BST1: variants seen among roughly 807,000 people sequenced by gnomAD.
BST1 encodes bone marrow stromal cell antigen 1, also known as ADP-ribosyl cyclase/cyclic ADP-ribose hydrolase 2.
A neutral mutation model predicts 40.6 loss-of-function variants in BST1; 49 were observed. The observed-to-expected ratio is 1.21, with a 90% CI of 0.96 to 1.53. The LOEUF is 1.53. Among genes scored for constraint, BST1 ranks in the 40% most tolerant of loss-of-function variants. The probability of loss-of-function intolerance (pLI) is 0.00; values close to 1 mark genes in which losing one functional copy is unlikely to be tolerated. For synonymous variants in BST1, 157 were observed against 159.3 expected, an observed-to-expected ratio of 0.99 and a Z score of 0.11; for missense variants, 423 against 395.9, an observed-to-expected ratio of 1.07 and a Z score of -0.58.
In BST1 at chr4:15,726,141, T is replaced by G. The variant is rs1194322911; in HGVS notation, c.851+3207T>G. The stretch of plus-strand genomic sequence containing the variant: ...TACGCCAGCTAACTTTTAAAGTTTT[T>G]TTTTTTTTTTTTTTGTAGAGATGAG... On this transcript the variant is annotated intron_variant, in intron 8 of 8. Transcript: ENST00000265016. Among the ~76,000 whole-genome samples, 292 of 147,098 alleles carry G rather than the reference T, an allele frequency of 2.0e-3. 2 individuals carry two copies. Among genetic ancestry groups the G allele is most frequent in the African/African-American group, 7.0e-3 (279 of 39,606 alleles).
intron 7 of BST1, 59 bp downstream of exon 7, chr4:15,719,052 T>A (rs756469603): frequency 1.3e-6 from 2 of 1,497,730 alleles, no homozygotes; most frequent in Non-Finnish European, 1.8e-6. Flanking sequence ...TTGGAGGAGG[T>A]GGGCTGCCGA....
downstream of BST1, among the ~76,000 whole-genome samples, chr4:15,739,321 G>A (rs768824627): frequency 5.3e-5 from 8 of 152,128 alleles, no homozygotes; most frequent in Non-Finnish European, 7.4e-5. Context: ...AATATGAAAC[G>A]TATATGTATT....
At chr4:15,745,930 T>A in the BST1 span, among the ~76,000 whole-genome samples, 1 of 152,326 alleles carries the variant, frequency 6.6e-6, no homozygotes, top group South Asian at 2.1e-4. Context: ...GCCAGACTGA[T>A]GTCATATAGA....
At chr4:15,712,731 G>A (rs921748040) in intron 4 of BST1, among the ~76,000 whole-genome samples, 1 of 152,180 alleles carries the variant, frequency 6.6e-6, no homozygotes, top group East Asian at 1.9e-4. Context: ...TAAGCAGGGG[G>A]TCCCTCCCAG....
intron 3 of BST1, among the ~76,000 whole-genome samples, chr4:15,708,887 A>G (rs1402825649): frequency 6.6e-6 from 1 of 152,158 alleles, no homozygotes; most frequent in Non-Finnish European, 1.5e-5. Flanking sequence ...CACACACAAA[A>G]AAAAGAGTTA....
downstream of BST1, among the ~76,000 whole-genome samples, chr4:15,741,121 C>G (rs537734363): frequency 6.6e-6 from 1 of 151,028 alleles, no homozygotes; most frequent in African/African-American, 2.4e-5. Context: ...TTGGCCGTTA[C>G]TCACTCCTCC....
chr4:15,739,351 T>G (rs1271446596), downstream of BST1, among the ~76,000 whole-genome samples: 3 of 152,196 alleles, frequency 2.0e-5, no homozygotes, highest in Non-Finnish European at 4.4e-5. Flanking sequence ...CGCTTAGAAT[T>G]TTAGGAATAT....
At chr4:15,712,414 C>T (rs948448032) in intron 4 of BST1, among the ~76,000 whole-genome samples, 8 of 152,136 alleles carry the variant, frequency 5.3e-5, no homozygotes, top group African/African-American at 1.9e-4. Context: ...CTATCTGTAG[C>T]TATAACATGC....
intron 7 of BST1, 98 bp downstream of exon 7, chr4:15,719,091 G>A (rs935843706): frequency 2.0e-5 from 21 of 1,038,756 alleles, no homozygotes; most frequent in Non-Finnish European, 2.8e-5. Flanking sequence ...CAGCTCTGAA[G>A]GCCATGGTGT....
chr4:15,706,960 C>A (rs539244460), intron 2 of BST1, among the ~76,000 whole-genome samples: 1 of 152,214 alleles, frequency 6.6e-6, no homozygotes, highest in Non-Finnish European at 1.5e-5. Context: ...GAAATAGTGA[C>A]TGGGGGATTT....
At chr4:15,720,340 C>T (rs1024574761) in intron 7 of BST1, among the ~76,000 whole-genome samples, 8 of 152,038 alleles carry the variant, frequency 5.3e-5, no homozygotes, top group Admixed American at 3.3e-4. Flanking sequence ...AATTCTTGGC[C>T]GAGTGCAGTG....
At chr4:15,758,173 A>G in the BST1 span, among the ~76,000 whole-genome samples, 1 of 152,098 alleles carries the variant, frequency 6.6e-6, no homozygotes, top group Non-Finnish European at 1.5e-5. Flanking sequence ...TTCAGGGGGT[A>G]CATGGGCAGG....
At chr4:15,703,665 G>A (rs1349545339) in intron 1 of BST1, among the ~76,000 whole-genome samples, 1 of 140,000 alleles carries the variant, frequency 7.1e-6, no homozygotes, top group African/African-American at 2.7e-5. Context: ...AGAGGTGGGA[G>A]GTGTGTGTGT....
At chr4:15,767,458 C>A in the BST1 span, among the ~76,000 whole-genome samples, 1 of 152,064 alleles carries the variant, frequency 6.6e-6, no homozygotes, top group Non-Finnish European at 1.5e-5. Context: ...CACGTGCCGC[C>A]ACACCCAGCT....
chr4:15,719,245 A>G (rs1006583717), intron 7 of BST1, among the ~76,000 whole-genome samples: 2 of 152,130 alleles, frequency 1.3e-5, no homozygotes, highest in Non-Finnish European at 2.9e-5. Context: ...TCATTTGCTC[A>G]TGCCCAGTTC....
At chr4:15,716,497 A>C (rs528103010) in intron 6 of BST1, among the ~76,000 whole-genome samples, 25 of 152,198 alleles carry the variant, frequency 1.6e-4, no homozygotes, top group African/African-American at 6.0e-4. Flanking sequence ...GGTATTACTA[A>C]CCCCAAGGAG....
chr4:15,715,464 CG>C, intron 5 of BST1, 103 bp downstream of exon 5: 1 of 1,229,226 alleles, frequency 8.1e-7, no homozygotes, highest in South Asian at 1.3e-5. Flanking sequence ...CCATCTCATG[CG>C]TGCTTCTGTA....
At chr4:15,710,163 A>G (rs1356019190) in intron 3 of BST1, among the ~76,000 whole-genome samples, 1 of 151,738 alleles carries the variant, frequency 6.6e-6, no homozygotes, top group Admixed American at 6.6e-5. Flanking sequence ...TTGTAGACAC[A>G]TGGTCTTGCC....
Position 15,707,600 on chromosome 4 carries a change from C to T in BST1, c.405C>T (p.Gly135=). The part of the protein sequence containing the change: ...RFMPLSDVLY[G]RVADFLSWCR... ...TGCCCCTGAGCGATGTTCTGTATGG[C>T]AGGGTTGCAGATTTCTTGAGCTGGT... Residue 135 remains glycine (G), a synonymous_variant, in exon 3 of 9, where the codon GGC becomes GGT. Coordinates refer to ENST00000265016, the MANE Select transcript of BST1 (RefSeq NM_004334.3). The T allele has an allele frequency of 6.2e-7, 1 of 1,614,052 alleles. No homozygotes were observed. The highest frequency in any genetic ancestry group is 8.5e-7 in the Non-Finnish European group (1 of 1,179,982).
Sources: allele counts gnomAD v4.1 joint callset (sites outside exome capture counted in the v4.1 genomes callset), GRCh38; gene constraint gnomAD v4.1.1; transcripts MANE v1.5; gene names NCBI Gene and HGNC (gene_info 2026-07-23, HGNC 2026-07-21).